The following IGF1R variants were observed in gnomAD, a reference collection of about 807,000 sequenced individuals.
IGF1R encodes the protein insulin-like growth factor 1 receptor.
In IGF1R, 44 loss-of-function variants were observed where a neutral mutation model predicts 144.6. The ratio of observed to expected loss-of-function variants is 0.30; its 90% CI spans 0.24 to 0.39. The LOEUF (loss-of-function observed/expected upper bound fraction) is 0.39, where lower values mean the gene tolerates loss of function less well. IGF1R is among the 10% of genes least tolerant of loss of function. IGF1R has a pLI of 1.00. For missense variants in IGF1R, 1,355 were observed against 1,833.7 expected (o/e 0.74, Z 4.77); for synonymous variants, 795 against 722.8 (o/e 1.10, Z -1.60).
rs571173015 is a variant in IGF1R, at chr15:98,839,021, A to G, written c.641-52304A>G. 1.3e-4 allele frequency among the ~76,000 whole-genome samples: 20 copies of G among 152,350 alleles called. No individual in the cohort carries two copies. In the South Asian group the frequency reaches 3.7e-3, roughly 28 times the overall value. On this transcript the variant is annotated intron_variant, in intron 2 of 20. Transcript: ENST00000650285. ...AGGCTGACTATGGAGTGAAGAGGCC[A>G]CTGGGTTTCACAAACAGCACTGTCA...
intron 2 of IGF1R, among the ~76,000 whole-genome samples, chr15:98,769,393 C>G (rs2055526024): frequency 6.6e-6 from 1 of 152,188 alleles, no homozygotes; most frequent in Admixed American, 6.5e-5. Context: ...ACCTTGTCTG[C>G]TAACTTCCTT....
intron 5 of IGF1R, among the ~76,000 whole-genome samples, 168 bp from the exon 6 acceptor site, chr15:98,908,517 T>A (rs1021028571): frequency 6.6e-6 from 1 of 152,260 alleles, no homozygotes; most frequent in African/African-American, 2.4e-5. Flanking sequence ...GCTGCCATTG[T>A]TAACAGCAAC....
intron 6 of IGF1R, among the ~76,000 whole-genome samples, chr15:98,909,598 A>AGG (rs2014911121): frequency 6.6e-6 from 1 of 152,266 alleles, no homozygotes; most frequent in South Asian, 2.1e-4. Context: ...CTTCAGCCCT[A>AGG]TGAGCTCTAC....
At chr15:98,926,786 G>A (rs897055655) in intron 13 of IGF1R, among the ~76,000 whole-genome samples, 2 of 152,114 alleles carry the variant, frequency 1.3e-5, no homozygotes, top group Non-Finnish European at 2.9e-5. Flanking sequence ...GGATGTTTAG[G>A]CAGATAATTT....
intron 15 of IGF1R, among the ~76,000 whole-genome samples, chr15:98,934,183 G>T (rs1273820170): frequency 6.6e-6 from 1 of 150,784 alleles, no homozygotes; most frequent in Non-Finnish European, 1.5e-5. Context: ...TGGCCACATG[G>T]AATGCTCAGG....
chr15:98,657,487 G>A (rs1015321394), intron 1 of IGF1R, among the ~76,000 whole-genome samples: 1 of 152,162 alleles, frequency 6.6e-6, no homozygotes, highest in African/African-American at 2.4e-5. Flanking sequence ...TCTCATTTTA[G>A]TGGGATAATA....
chr15:98,956,021 C>A (rs188023519), intron 20 of IGF1R, among the ~76,000 whole-genome samples: 1 of 152,226 alleles, frequency 6.6e-6, no homozygotes, highest in African/African-American at 2.4e-5. Flanking sequence ...CTATGGCCAG[C>A]CCTGGATGGT....
intron 1 of IGF1R, among the ~76,000 whole-genome samples, chr15:98,686,916 C>T (rs1031864708): frequency 2.6e-5 from 4 of 152,182 alleles, no homozygotes; most frequent in African/African-American, 9.7e-5. Flanking sequence ...GCAGTTCTTC[C>T]ACCTGAACCT....
chr15:98,714,828 C>A (rs1288202324), intron 2 of IGF1R, among the ~76,000 whole-genome samples: 1 of 151,786 alleles, frequency 6.6e-6, no homozygotes, highest in Non-Finnish European at 1.5e-5. Context: ...TTTTTTTAAA[C>A]TTAAGCTACT....
intron 10 of IGF1R, among the ~76,000 whole-genome samples, chr15:98,918,849 A>C (rs1456272741): frequency 1.3e-5 from 2 of 152,092 alleles, no homozygotes; most frequent in African/African-American, 4.8e-5. Context: ...GTTGCACTCC[A>C]GCCTGGACAA....
At chr15:98,756,008 G>C (rs1189906249) in intron 2 of IGF1R, among the ~76,000 whole-genome samples, 1 of 151,994 alleles carries the variant, frequency 6.6e-6, no homozygotes, top group Non-Finnish European at 1.5e-5. Context: ...TGCATTCCTG[G>C]AATAAGCCCT....
chr15:98,939,252 G>A lies in IGF1R; in HGVS notation c.3349G>A (p.Gly1117Arg), dbSNP rs774388898. 9 of 1,613,730 alleles carry A rather than the reference G, an allele frequency of 5.6e-6. No individual in the cohort carries two copies. The highest frequency in any genetic ancestry group is 2.2e-5 in the South Asian group (2 of 91,060). Residue 1117 changes from glycine to arginine, a missense_variant, in exon 18 of 21, where the codon GGA becomes AGA. This residue lies in a region of IGF1R where 77 missense variants were observed against 163.2 expected (regional missense o/e 0.47). Coordinates refer to ENST00000650285, the MANE Select transcript of IGF1R (RefSeq NM_000875.5). ...PSLSKMIQMAGEIADGMAYLN... is the reference protein window; with the variant it reads ...PSLSKMIQMAREIADGMAYLN... Reference sequence around the variant, plus strand: ...CCTGAGCAAGATGATTCAGATGGCCGGAGAGATTGCAGACGGCATGGCATA... The same window carrying A: ...CCTGAGCAAGATGATTCAGATGGCCAGAGAGATTGCAGACGGCATGGCATA...
intron 2 of IGF1R, among the ~76,000 whole-genome samples, chr15:98,797,455 A>C (rs1012805628): frequency 2.0e-5 from 3 of 152,176 alleles, no homozygotes; most frequent in African/African-American, 7.2e-5. Context: ...GTTATTTAGT[A>C]ACTTCAAATT....
intron 2 of IGF1R, among the ~76,000 whole-genome samples, chr15:98,842,208 C>T (rs545443520): frequency 3.9e-4 from 60 of 152,254 alleles, no homozygotes; most frequent in Admixed American, 1.2e-3. Context: ...TCTCTACAAT[C>T]GAAGCTCAAA....
At chr15:98,727,207 A>G (rs544845185) in intron 2 of IGF1R, among the ~76,000 whole-genome samples, 1 of 152,186 alleles carries the variant, frequency 6.6e-6, no homozygotes, top group African/African-American at 2.4e-5. Context: ...AAAGGAAGAA[A>G]GGTATGTGGT....
At chr15:98,874,722 T>C (rs1428802010) in intron 2 of IGF1R, among the ~76,000 whole-genome samples, 1 of 152,212 alleles carries the variant, frequency 6.6e-6, no homozygotes. Context: ...ACCCCTTCCA[T>C]TGGGCATTCA....
intron 2 of IGF1R, among the ~76,000 whole-genome samples, chr15:98,869,459 C>G (rs2715441): frequency 2.1e-5 from 3 of 146,184 alleles, no homozygotes; most frequent in Admixed American, 1.4e-4. Flanking sequence ...TTTTAGACGG[C>G]GTTTCGCCCT....
intron 2 of IGF1R, among the ~76,000 whole-genome samples, chr15:98,794,011 T>G (rs2056184598): frequency 6.6e-6 from 1 of 152,218 alleles, no homozygotes; most frequent in African/African-American, 2.4e-5. Context: ...GCGCCCTATC[T>G]TAGCACTTAG....
At chr15:98,837,291 T>G (rs1367615321) in intron 2 of IGF1R, among the ~76,000 whole-genome samples, 6 of 152,054 alleles carry the variant, frequency 3.9e-5, no homozygotes, top group Non-Finnish European at 5.9e-5. Flanking sequence ...CAGACTGGAG[T>G]GCAGTGGCGC....
Sources: allele counts gnomAD v4.1 joint callset (sites outside exome capture counted in the v4.1 genomes callset), GRCh38; gene constraint gnomAD v4.1.1; regional missense constraint gnomAD v4.1.1; transcripts MANE v1.5; gene names NCBI Gene and HGNC (gene_info 2026-07-23, HGNC 2026-07-21).